MAST1: variants seen among roughly 807,000 people sequenced by gnomAD.
MAST1 encodes microtubule-associated serine/threonine-protein kinase 1.
A neutral mutation model predicts 124.6 loss-of-function variants in MAST1; 40 were observed. The ratio of observed to expected loss-of-function variants is 0.32; its 90% CI spans 0.25 to 0.42. The LOEUF (loss-of-function observed/expected upper bound fraction) is 0.42, where lower values mean the gene tolerates loss of function less well. Ranked by LOEUF, MAST1 falls within the 10% of genes least tolerant of loss-of-function variation. The pLI, the probability that MAST1 is intolerant of heterozygous loss-of-function variation, is 1.00. For missense variants in MAST1, 1,558 were observed against 2,181.9 expected (o/e 0.71, Z 5.70); for synonymous variants, 938 against 939.4 (o/e 1.00, Z 0.03).
Position 12,873,867 on chromosome 19 carries a change from C to T in MAST1, c.3710C>T (p.Ala1237Val). Residue 1237 changes from alanine to valine, a missense_variant, in exon 26 of 26, where the codon GCC becomes GTC. Ala to Val is a moderately conservative substitution (Grantham distance 64). Coordinates refer to ENST00000251472, the MANE Select transcript of MAST1 (RefSeq NM_014975.3). Reference sequence around the variant, plus strand: ...TCGCACACTACTCAGAGCTTCCCGGCCAAACTGCACTCATCGCCTCCCGTC... The same window carrying T: ...TCGCACACTACTCAGAGCTTCCCGGTCAAACTGCACTCATCGCCTCCCGTC... Reference protein sequence around the residue: ...GSSHTTQSFPAKLHSSPPVVR... With the variant: ...GSSHTTQSFPVKLHSSPPVVR... 1 of 1,583,800 alleles carries T rather than the reference C, an allele frequency of 6.3e-7. No homozygotes were observed. The highest frequency in any genetic ancestry group is 8.5e-7 in the Non-Finnish European group (1 of 1,172,590).
intron 10 of MAST1, among the ~76,000 whole-genome samples, chr19:12,858,006 C>CAA (rs539497049): frequency 0.03 from 1,476 of 49,420 alleles, 254 homozygotes; most frequent in Non-Finnish European, 0.044. Flanking sequence ...GAACCTATCT[C>CAA]AAAAAAAAAA....
intron 7 of MAST1, chr19:12,848,613 C>G (rs898177377): frequency 6.6e-6 from 1 of 151,676 alleles, no homozygotes; most frequent in Admixed American, 6.6e-5. Context: ...GGCGACAGAG[C>G]GAGACTCCGT....
At chr19:12,844,561 C>T (rs533956875) in intron 4 of MAST1, among the ~76,000 whole-genome samples, 1 of 152,238 alleles carries the variant, frequency 6.6e-6, no homozygotes, top group South Asian at 2.1e-4. Flanking sequence ...TCAAGGAAGG[C>T]TTCCTGGAGG....
intron 4 of MAST1, among the ~76,000 whole-genome samples, chr19:12,846,802 C>G (rs374203219): frequency 7.7e-6 from 1 of 130,492 alleles, no homozygotes; most frequent in Non-Finnish European, 1.5e-5. Flanking sequence ...CGCTTGAACG[C>G]GGGAGGCGGA....
chr19:12,865,791 A>T lies in MAST1; in HGVS notation c.1879A>T (p.Thr627Ser), dbSNP rs1278432886. The T allele has an allele frequency of 6.2e-7, 1 of 1,613,846 alleles. No individual in the cohort carries two copies. Among genetic ancestry groups the T allele is most frequent in the Non-Finnish European group, 8.5e-7 (1 of 1,179,946 alleles). ...AQLLISSLLQ[T>S]NPLVRLGAGG... ...ACTCCTCATATCCAGCCTCCTGCAG[A>T]CCAACCCTCTGGTCAGGCTTGGGGC... is the stretch of plus-strand genomic sequence containing the variant. The change falls in exon 16 of 26, where the codon ACC becomes TCC. Residue 627 changes from threonine to serine, a missense_variant. Thr to Ser is a moderately conservative substitution (Grantham distance 58, BLOSUM62 1). This residue lies in a region of MAST1 where 145 missense variants were observed against 350.0 expected (regional missense o/e 0.41). Transcript: ENST00000251472. The surrounding 1 kb of genome is among the most constrained non-coding windows in gnomAD (Gnocchi z 7.1).
Position 12,867,640 on chromosome 19 carries a change from G to A in MAST1, c.2306G>A (p.Gly769Asp), listed in dbSNP as rs1431623461. Residue 769 changes from glycine (G) to aspartate (D), a missense_variant, in exon 19 of 26, where the codon GGC (glycine) becomes GAC (aspartate). Physicochemically the swap from Gly to Asp is moderately conservative, Grantham distance 94 (BLOSUM62 -1). Transcript: ENST00000251472. ...CTGCGTGAGAAGACCTGGAGAGGGG[G>A]CTCTCCGGAGATGTGAGCAGGGGAA... Reference protein sequence around the residue: ...LTLREKTWRGGSPEIKRFSAS... With the variant: ...LTLREKTWRGDSPEIKRFSAS... 1.9e-6 allele frequency: 3 copies of A among 1,598,974 alleles called. No individual in the cohort carries two copies. The highest frequency in any genetic ancestry group is 2.6e-6 in the Non-Finnish European group (3 of 1,173,186).
intron 12 of MAST1, among the ~76,000 whole-genome samples, chr19:12,861,581 A>C (rs1385778437): frequency 2.0e-5 from 3 of 152,206 alleles, no homozygotes; most frequent in African/African-American, 7.2e-5. Context: ...AGGGGCGCTG[A>C]TGAGGAGGGT....
intron 20 of MAST1, among the ~76,000 whole-genome samples, chr19:12,868,351 T>C (rs1297195241): frequency 1.3e-5 from 2 of 152,010 alleles, no homozygotes; most frequent in African/African-American, 4.8e-5. Flanking sequence ...TCAAGTGATC[T>C]GCCTTCCTTG....
chr19:12,859,844 A>C (rs1016633205), intron 12 of MAST1, among the ~76,000 whole-genome samples: 1 of 145,354 alleles, frequency 6.9e-6, no homozygotes, highest in African/African-American at 2.5e-5. Context: ...AAAAAAAAAA[A>C]GTTTTTTGTT....
At chr19:12,855,525 T>C (rs1167167215) in intron 10 of MAST1, among the ~76,000 whole-genome samples, 1 of 152,086 alleles carries the variant, frequency 6.6e-6, no homozygotes, top group African/African-American at 2.4e-5. Context: ...GTGGGGGTGG[T>C]CCTGTGATAT....
chr19:12,864,915 T>C lies in MAST1; in HGVS notation c.1473T>C (p.Tyr491=). The part of the protein sequence containing the change: ...TVLALEYLHN[Y]GIVHRDLKPD... ...TAGCCCTGGAGTATTTGCACAACTA[T>C]GGCATCGTGCACCGCGACCTCAAGC... is the stretch of plus-strand genomic sequence containing the variant. Residue 491 remains tyrosine (Y), a synonymous_variant, in exon 13 of 26, where the codon TAT becomes TAC. Coordinates refer to ENST00000251472, the MANE Select transcript of MAST1 (RefSeq NM_014975.3). 1 of 1,614,162 alleles carries C rather than the reference T, an allele frequency of 6.2e-7. No individual in the cohort carries two copies. The highest frequency in any genetic ancestry group is 8.5e-7 in the Non-Finnish European group (1 of 1,180,028).
At position 12,866,567 on chromosome 19, in the gene MAST1, G is replaced by A. The variant is rs988826213; in HGVS notation, c.2030-86G>A. 4.6e-6 allele frequency: 4 copies of A among 865,730 alleles called. No individual in the cohort carries two copies. Among genetic ancestry groups the A allele is most frequent in the South Asian group, 4.5e-5 (3 of 67,344 alleles). 53.6% of individuals were successfully genotyped at this position (865,730 alleles called of 1,614,324 possible). Reference sequence around the variant, plus strand: ...GCCTGACCTGAAGACTTGTAAACCCGTCTTGAACCAGGACTGGGCTCCTGT... The same window carrying A: ...GCCTGACCTGAAGACTTGTAAACCCATCTTGAACCAGGACTGGGCTCCTGT... On this transcript the variant is annotated intron_variant, in intron 17 of 25. Coordinates refer to ENST00000251472, the MANE Select transcript of MAST1 (RefSeq NM_014975.3). This position sits in a 1 kb window ranked among gnomAD's most constrained non-coding sequence, Gnocchi z 5.2.
intron 20 of MAST1, 126 bp downstream of exon 20, chr19:12,868,103 A>ATTTCTTTTTTTTTTTT (rs1970181680): frequency 3.4e-6 from 1 of 291,088 alleles, no homozygotes; most frequent in African/African-American, 4.4e-5. Context: ...GCAATTTGGG[A>ATTTCTTTTTTTTTTTT]TTTTTTTTTT....
Position 12,843,226 on chromosome 19 carries a change from C to T in MAST1, c.249-303C>T, listed in dbSNP as rs1240907121. 6.6e-6 allele frequency among the ~76,000 whole-genome samples: 1 copy of T among 150,998 alleles called. No homozygotes were observed. The highest frequency in any genetic ancestry group is 2.0e-4 in the East Asian group (1 of 5,086). ...GAGAGTGTTCACTTGGGGGAAATTT[C>T]TAGAATCTCTCTGGAAAGGCTTCAC... On this transcript the variant is annotated intron_variant, in intron 3 of 25. Coordinates refer to ENST00000251472, the MANE Select transcript of MAST1 (RefSeq NM_014975.3). The surrounding 1 kb of genome is among the most constrained non-coding windows in gnomAD (Gnocchi z 4.9).
chr19:12,869,879 C>G (rs1483919961), intron 22 of MAST1, among the ~76,000 whole-genome samples: 2 of 151,628 alleles, frequency 1.3e-5, no homozygotes, highest in African/African-American at 4.8e-5. Flanking sequence ...ATGGTGAAAC[C>G]CTGTCTCTAT....
rs565569004 is a variant in MAST1 at position 12,869,622 on chromosome 19, G to A, written c.3003+327G>A. The stretch of plus-strand genomic sequence containing the variant: ...CCAGCTAATTTTTGTATTTTTAGTA[G>A]AGACGGGGTTTCACCATGTTGGCTA... On this transcript the variant is annotated intron_variant, in intron 22 of 25. Coordinates refer to ENST00000251472, the MANE Select transcript of MAST1 (RefSeq NM_014975.3). Among the ~76,000 whole-genome samples, 6 of 152,068 alleles carry A rather than the reference G, an allele frequency of 3.9e-5. No homozygotes were observed. The South Asian group carries it at 1.2e-3, about 32-fold the overall frequency.
At chr19:12,868,589 G>T in intron 20 of MAST1, 54 bp from the exon 21 acceptor site, 1 of 1,454,444 alleles carries the variant, frequency 6.9e-7, no homozygotes. Flanking sequence ...GAAACAGTAT[G>T]TGGGAAATCC....
intron 12 of MAST1, among the ~76,000 whole-genome samples, chr19:12,863,158 CAAAAAAA>C (rs749539925): frequency 0.027 from 1,204 of 44,122 alleles, 18 homozygotes; most frequent in African/African-American, 0.09. Flanking sequence ...GACTCTGACT[CAAAAAAA>C]AAAAAAAAAA....
In MAST1 at chr19:12,873,931, G is replaced by C; in HGVS notation, c.3774G>C (p.Ser1258=). ...CCAAGAGTGCCGAGCCCCCTCGCTC[G>C]CCGCTCCTCAAGCGCGTGCAGTCGG... is the stretch of plus-strand genomic sequence containing the variant. ...PRPKSAEPPR[S]PLLKRVQSAE... Residue 1258 remains serine (S), a synonymous_variant, in exon 26 of 26, where the codon TCG becomes TCC. Transcript: ENST00000251472. The C allele has an allele frequency of 1.9e-6, 3 of 1,589,672 alleles. No individual in the cohort carries two copies. In the African/African-American group the frequency reaches 4.0e-5, roughly 21 times the overall value.
Sources: allele counts gnomAD v4.1 joint callset (sites outside exome capture counted in the v4.1 genomes callset), GRCh38; gene constraint gnomAD v4.1.1; regional missense constraint gnomAD v4.1.1; non-coding constraint Gnocchi (gnomAD v3.1); transcripts MANE v1.5; gene names NCBI Gene and HGNC (gene_info 2026-07-23, HGNC 2026-07-21).